The following PRG3 variants were observed in gnomAD, a reference collection of about 807,000 sequenced individuals.
The protein encoded by PRG3 is proteoglycan 3, pro eosinophil major basic protein 2.
PRG3 carries 25 observed loss-of-function variants against 26.1 expected under a neutral mutation model. That is an observed-to-expected ratio of 0.96 (90% confidence interval 0.70 to 1.34). PRG3 has a LOEUF of 1.34. Ranked by LOEUF, PRG3 falls within the 40% of genes most tolerant of loss-of-function variation. PRG3 has a pLI of 0.00. For synonymous variants in PRG3, 111 were observed against 100.4 expected (o/e 1.11, Z -0.63); for missense variants, 280 against 264.8 (o/e 1.06, Z -0.40).
At chr11:57,377,339 T>C (rs2846392) in intron 5 of PRG3, among the ~76,000 whole-genome samples, 146,461 of 152,280 alleles carry the variant, frequency 0.96, 70,741 homozygotes, top group Non-Finnish European at 1. Flanking sequence ...CTGCTGCCCA[T>C]GTCTGCTGTT....
chr11:57,379,557 A>G lies in PRG3; in HGVS notation c.312T>C (p.Ser104=), dbSNP rs1335213165. Residue 104 remains serine, a synonymous_variant, in exon 3 of 6, where the codon AGT becomes AGC. Transcript: ENST00000287143. ...GGTAGCGGCAGATCTTGCACCTTGGACTTCCCTGCACTTCAACAATGTCTT... is the reference window on the plus strand; with the variant it reads ...GGTAGCGGCAGATCTTGCACCTTGGGCTTCCCTGCACTTCAACAATGTCTT... The part of the protein sequence containing the change: ...REEDIVEVQG[S]PRCKICRYLL... 1.4e-5 allele frequency: 22 copies of G among 1,613,618 alleles called. No individual in the cohort carries two copies. The highest frequency in any genetic ancestry group is 1.9e-5 in the Non-Finnish European group (22 of 1,179,976).
chr11:57,379,462 A>C (rs761897593), intron 3 of PRG3, 32 bp downstream of exon 3: 15 of 1,550,668 alleles, frequency 9.7e-6, no homozygotes, highest in Non-Finnish European at 1.2e-5. Flanking sequence ...CTTTTCCCCC[A>C]GGTCCTCCGC....
At position 57,378,772 on chromosome 11, in the gene PRG3, A is replaced by T; in HGVS notation, c.416T>A (p.Ile139Asn). Residue 139 changes from isoleucine (I) to asparagine (N), a missense_variant, in exon 4 of 6, where the codon ATC becomes AAC. Ile to Asn is a moderately radical substitution (Grantham distance 149). Coordinates refer to ENST00000287143, the MANE Select transcript of PRG3 (RefSeq NM_006093.4). ...SRCYGGNLVS[I>N]HDFNFNYRIQ... is the part of the protein sequence containing the mutation. ...GCGATAGTTGAAGTTGAAGTCATGG[A>T]TAGAGACAAGGTTGCCTCCGTAGCA... 6.2e-7 allele frequency: 1 copy of T among 1,613,844 alleles called. No homozygotes were observed. The highest frequency in any genetic ancestry group is 8.5e-7 in the Non-Finnish European group (1 of 1,179,948).
chr11:57,381,002 T>G (rs1342116933), intron 1 of PRG3, 112 bp downstream of exon 1: 1 of 234,574 alleles, frequency 4.3e-6, no homozygotes, highest in Non-Finnish European at 8.0e-6. Context: ...GGGACAGGTC[T>G]GCTTAGCTAT....
chr11:57,379,798 G>C lies in PRG3; in HGVS notation c.71C>G (p.Ala24Gly). The change falls in exon 3 of 6, where the codon GCC becomes GGC. Residue 24 changes from alanine to glycine, a missense_variant. Coordinates refer to ENST00000287143, the MANE Select transcript of PRG3 (RefSeq NM_006093.4). ...TVSALHLEND[A>G]PHLESLETQA... is the part of the protein sequence containing the mutation. ...TGTCTCTAGGCTCTCCAGATGGGGGGCATCATTCTCTGGGAAGAAGAGGTA... is the reference window on the plus strand; with the variant it reads ...TGTCTCTAGGCTCTCCAGATGGGGGCCATCATTCTCTGGGAAGAAGAGGTA... 6.2e-7 allele frequency: 1 copy of C among 1,605,214 alleles called. No homozygotes were observed. Among genetic ancestry groups the C allele is most frequent in the South Asian group, 1.1e-5 (1 of 90,278 alleles).
chr11:57,380,623 A>G (rs752995511), intron 2 of PRG3, 25 bp downstream of exon 2: 1 of 1,545,378 alleles, frequency 6.5e-7, no homozygotes, highest in Non-Finnish European at 8.8e-7. Flanking sequence ...GGAAAGACGC[A>G]TGAGGAGGGA....
In PRG3 at chr11:57,380,426, A is replaced by C. The variant is rs538955230; in HGVS notation, c.61+222T>G. On this transcript the variant is annotated intron_variant, in intron 2 of 5. Coordinates refer to ENST00000287143, the MANE Select transcript of PRG3 (RefSeq NM_006093.4). ...AAACAAAACAAAAAACAAACAAAAA[A>C]AAAAACAAAAACAACAACAACAAAA... Among the ~76,000 whole-genome samples, 718 of 151,624 alleles carry C rather than the reference A, an allele frequency of 4.7e-3. 3 individuals are homozygous for C. Among genetic ancestry groups the C allele is most frequent in the African/African-American group, 0.015 (623 of 41,216 alleles).
intron 5 of PRG3, among the ~76,000 whole-genome samples, chr11:57,377,195 G>A (rs1458717630): frequency 6.6e-6 from 1 of 152,154 alleles, no homozygotes; most frequent in African/African-American, 2.4e-5. Context: ...ATGAGGAAAC[G>A]GGGGCTTAGT....
chr11:57,376,969 C>T, intron 5 of PRG3, 61 bp from the exon 6 acceptor site: 2 of 1,586,226 alleles, frequency 1.3e-6, no homozygotes, highest in Non-Finnish European at 1.7e-6. Flanking sequence ...GGCTTCACCT[C>T]TTTCCCTCCT....
intron 5 of PRG3, 31 bp from the exon 6 acceptor site, chr11:57,376,939 G>T: frequency 6.2e-7 from 1 of 1,610,254 alleles, no homozygotes; most frequent in Non-Finnish European, 8.5e-7. Context: ...GAAGTCCACC[G>T]CCCTGCGGGG....
At chr11:57,380,549 TG>T in intron 2 of PRG3, 98 bp downstream of exon 2, 1 of 1,033,570 alleles carries the variant, frequency 9.7e-7, no homozygotes. Context: ...GGGAAGGCTG[TG>T]GTCCTGGCCT....
intron 3 of PRG3, among the ~76,000 whole-genome samples, 161 bp downstream of exon 3, chr11:57,379,333 C>T (rs982301103): frequency 6.6e-5 from 10 of 152,186 alleles, no homozygotes; most frequent in Non-Finnish European, 1.2e-4. Context: ...AATCAGAAGT[C>T]GTGCAGGTGA....
intron 5 of PRG3, among the ~76,000 whole-genome samples, chr11:57,377,339 T>TGC: frequency 6.6e-6 from 1 of 152,294 alleles, no homozygotes; most frequent in South Asian, 2.1e-4. Flanking sequence ...CTGCTGCCCA[T>TGC]GTCTGCTGTT....
Position 57,378,815 on chromosome 11 carries a change from G to A in PRG3, c.376-3C>T, listed in dbSNP as rs1018031968. On this transcript the variant is annotated splice_region_variant and splice_polypyrimidine_tract_variant and intron_variant, in intron 3 of 5. Coordinates refer to ENST00000287143, the MANE Select transcript of PRG3 (RefSeq NM_006093.4). ...CCGTAGCATCTGCTGCAGACATTCT[G>A]CAGACGGAAACAAAGTAGAGAATTC... 19 of 1,613,382 alleles carry A rather than the reference G, an allele frequency of 1.2e-5. No homozygotes were observed. Among genetic ancestry groups the A allele is most frequent in the Middle Eastern group, 1.6e-4 (1 of 6,082 alleles).
At chr11:57,380,167 C>T (rs1856984640) in intron 2 of PRG3, among the ~76,000 whole-genome samples, 4 of 152,090 alleles carry the variant, frequency 2.6e-5, no homozygotes, top group Admixed American at 2.6e-4. Context: ...TTTGGGAGGC[C>T]GGGGCGGGCG....
intron 3 of PRG3, 69 bp downstream of exon 3, chr11:57,379,425 T>A (rs1455558969): frequency 7.1e-7 from 1 of 1,413,300 alleles, no homozygotes; most frequent in East Asian, 2.3e-5. Flanking sequence ...CCTAAATGAA[T>A]AGGGAACAGA....
Position 57,376,835 on chromosome 11 carries a change from C to A in PRG3, c.*15G>T. ...GACGGGAGGGAGCTGCTGGCAGGGTCTCCGTGCCGCTGGCTTAGAAGGAGC... is the reference window on the plus strand; with the variant it reads ...GACGGGAGGGAGCTGCTGGCAGGGTATCCGTGCCGCTGGCTTAGAAGGAGC... On this transcript the variant is annotated 3_prime_UTR_variant, in exon 6 of 6. Coordinates refer to ENST00000287143, the MANE Select transcript of PRG3 (RefSeq NM_006093.4). 1 of 1,612,296 alleles carries A rather than the reference C, an allele frequency of 6.2e-7. No individual in the cohort carries two copies.
Position 57,378,806 on chromosome 11 carries a change from A to C in PRG3, c.382T>G (p.Cys128Gly). ...AGGTTGCCTCCGTAGCATCTGCTGC[A>C]GACATTCTGCAGACGGAAACAAAGT... ...PKTFAEAQNV[C>G]SRCYGGNLVS... Residue 128 changes from cysteine (C) to glycine (G), a missense_variant, in exon 4 of 6, where the codon TGC (cysteine) becomes GGC (glycine). Coordinates refer to ENST00000287143, the MANE Select transcript of PRG3 (RefSeq NM_006093.4). The C allele has an allele frequency of 6.2e-7, 1 of 1,613,698 alleles. No individual in the cohort carries two copies. Among genetic ancestry groups the C allele is most frequent in the Non-Finnish European group, 8.5e-7 (1 of 1,179,912 alleles).
In PRG3 at chr11:57,378,752, A is replaced by G. The variant is rs34108746; in HGVS notation, c.436T>C (p.Tyr146His). 0.069 allele frequency: 112,113 copies of G among 1,613,692 alleles called. 4,517 individuals are homozygous for G. The highest frequency in any genetic ancestry group is 0.12 in the Middle Eastern group (720 of 6,058). The change falls in exon 4 of 6, where the codon TAT (tyrosine) becomes CAT (histidine). Residue 146 changes from tyrosine to histidine, a missense_variant. By Grantham distance (83) the Tyr-to-His change is moderately conservative. Coordinates refer to ENST00000287143, the MANE Select transcript of PRG3 (RefSeq NM_006093.4). Reference protein sequence around the residue: ...LVSIHDFNFNYRIQCCTSTVN... With the variant: ...LVSIHDFNFNHRIQCCTSTVN... The stretch of plus-strand genomic sequence containing the variant: ...GTGCTAGTGCAGCACTGAATGCGAT[A>G]GTTGAAGTTGAAGTCATGGATAGAG...
Sources: allele counts gnomAD v4.1 joint callset (sites outside exome capture counted in the v4.1 genomes callset), GRCh38; gene constraint gnomAD v4.1.1; transcripts MANE v1.5; gene names NCBI Gene and HGNC (gene_info 2026-07-23, HGNC 2026-07-21).